Variants in NYAP2 observed in about 807,000 individuals in gnomAD.
NYAP2 encodes the protein neuronal tyrosine-phosphorylated phosphoinositide-3-kinase adaptor 2.
A neutral mutation model predicts 50.4 loss-of-function variants in NYAP2; 23 were observed. The observed-to-expected ratio is 0.46, with a 90% CI of 0.33 to 0.65. The LOEUF is 0.65. Among genes scored for constraint, NYAP2 ranks in the 30% least tolerant of loss-of-function variants. The pLI is 0.02. For synonymous variants in NYAP2, 394 were observed against 365.2 expected (o/e 1.08, Z -0.90); for missense variants, 885 against 861.0 (o/e 1.03, Z -0.35).
chr2:225,522,210 C>T (rs1462628007), intron 4 of NYAP2, among the ~76,000 whole-genome samples: 1 of 152,096 alleles, frequency 6.6e-6, no homozygotes, highest in Non-Finnish European at 1.5e-5. Context: ...ATTATCTCTA[C>T]ATTTTCAAGT....
At chr2:225,461,794 G>T (rs553118833) in intron 3 of NYAP2, among the ~76,000 whole-genome samples, 128 of 152,212 alleles carry the variant, frequency 8.4e-4, no homozygotes, top group African/African-American at 2.9e-3. Flanking sequence ...TGAAAAATCT[G>T]CTAGGTTCTG....
chr2:225,411,278 A>G (rs1695034855), intron 3 of NYAP2, among the ~76,000 whole-genome samples: 1 of 152,264 alleles, frequency 6.6e-6, no homozygotes, highest in African/African-American at 2.4e-5. Context: ...AGAGAAAAGA[A>G]TTAATTAGAG....
chr2:225,655,782 T>C (rs576228041), downstream of NYAP2, among the ~76,000 whole-genome samples: 9 of 152,170 alleles, frequency 5.9e-5, no homozygotes, highest in African/African-American at 1.4e-4. Flanking sequence ...GCGGCTAAGA[T>C]GTGTCTCCAA....
At chr2:225,490,030 A>G (rs1441424692) in intron 3 of NYAP2, among the ~76,000 whole-genome samples, 1 of 152,220 alleles carries the variant, frequency 6.6e-6, no homozygotes, top group Admixed American at 6.5e-5. Context: ...AGATGTTCAC[A>G]ATGCACATTC....
At chr2:225,630,065 C>A (rs942728246) in intron 6 of NYAP2, among the ~76,000 whole-genome samples, 6 of 151,972 alleles carry the variant, frequency 3.9e-5, no homozygotes, top group African/African-American at 1.5e-4. Context: ...AGTTTCTCAC[C>A]AGGAAGATGA....
chr2:225,402,389 C>G (rs1051210861), intron 2 of NYAP2, among the ~76,000 whole-genome samples: 24 of 152,176 alleles, frequency 1.6e-4, no homozygotes, highest in African/African-American at 5.3e-4. Context: ...CTGACTACAT[C>G]TACTTTGCAA....
downstream of NYAP2, among the ~76,000 whole-genome samples, chr2:225,655,159 G>C (rs1693802564): frequency 6.6e-6 from 1 of 152,162 alleles, no homozygotes; most frequent in Non-Finnish European, 1.5e-5. Flanking sequence ...ACGATCTGTA[G>C]AAATGTATAA....
At chr2:225,467,398 A>G in intron 3 of NYAP2, among the ~76,000 whole-genome samples, 1 of 152,150 alleles carries the variant, frequency 6.6e-6, no homozygotes, top group African/African-American at 2.4e-5. Context: ...CTGCCTGACC[A>G]TCAACTGATG....
chr2:225,574,883 C>T lies in NYAP2; in HGVS notation c.524-7058C>T, dbSNP rs553671604. Among the ~76,000 whole-genome samples, 9 of 152,248 alleles carry T rather than the reference C, an allele frequency of 5.9e-5. No individual in the cohort carries two copies. In the South Asian group the frequency reaches 8.3e-4, roughly 14 times the overall value. On this transcript the variant is annotated intron_variant, in intron 4 of 6. Coordinates refer to ENST00000636099, the Ensembl canonical transcript of NYAP2. ...TTTTTACAAGTCCACATTTTACTGG[C>T]GGAGTTCTGAATTTGACCTTTGCTC...
At chr2:225,557,101 T>G (rs1691791618) in intron 4 of NYAP2, among the ~76,000 whole-genome samples, 1 of 152,222 alleles carries the variant, frequency 6.6e-6, no homozygotes, top group African/African-American at 2.4e-5. Context: ...TCTGCTCTAA[T>G]TTCATTGGTC....
chr2:225,458,340 C>G (rs954279315), intron 3 of NYAP2, among the ~76,000 whole-genome samples: 1 of 152,030 alleles, frequency 6.6e-6, no homozygotes, highest in Admixed American at 6.6e-5. Context: ...GACAGAAAAT[C>G]TACGTACTTT....
intron 4 of NYAP2, among the ~76,000 whole-genome samples, chr2:225,544,251 G>T (rs1691528194): frequency 6.6e-6 from 1 of 150,734 alleles, no homozygotes. Flanking sequence ...GAGCCACTCT[G>T]TGTTTTGATT....
intron 4 of NYAP2, among the ~76,000 whole-genome samples, chr2:225,566,577 G>A (rs1409504927): frequency 6.6e-6 from 1 of 152,234 alleles, no homozygotes; most frequent in Admixed American, 6.5e-5. Context: ...TTAGCATCAT[G>A]CATTTTCCAT....
intron 3 of NYAP2, among the ~76,000 whole-genome samples, chr2:225,464,879 T>C (rs768465487): frequency 6.6e-6 from 1 of 152,214 alleles, no homozygotes; most frequent in Non-Finnish European, 1.5e-5. Context: ...TTATCTGTAA[T>C]GCGTGTTCGT....
intron 3 of NYAP2, among the ~76,000 whole-genome samples, chr2:225,428,467 G>T (rs1362636222): frequency 2.6e-5 from 4 of 152,134 alleles, no homozygotes; most frequent in Admixed American, 2.6e-4. Context: ...TTGGGCATTT[G>T]TACCATAAGG....
intron 5 of NYAP2, among the ~76,000 whole-genome samples, chr2:225,583,723 A>C (rs1692340750): frequency 1.3e-5 from 2 of 152,156 alleles, no homozygotes; most frequent in South Asian, 4.1e-4. Flanking sequence ...ATAAATGTTA[A>C]AACTTGCCTT....
At chr2:225,486,552 A>G (rs546879965) in intron 3 of NYAP2, among the ~76,000 whole-genome samples, 7 of 152,310 alleles carry the variant, frequency 4.6e-5, no homozygotes, top group African/African-American at 1.2e-4. Context: ...CTCTGCTTCC[A>G]AATCCCACTG....
At chr2:225,618,567 C>T (rs761757410) in intron 5 of NYAP2, among the ~76,000 whole-genome samples, 4 of 152,146 alleles carry the variant, frequency 2.6e-5, no homozygotes, top group Non-Finnish European at 5.9e-5. Flanking sequence ...ATGATAACAC[C>T]CAACTTAAGT....
Position 225,605,244 on chromosome 2 carries a change from A to G in NYAP2, c.1619-21673A>G, listed in dbSNP as rs1241385844. Among the ~76,000 whole-genome samples, 3 of 152,222 alleles carry G rather than the reference A, an allele frequency of 2.0e-5. No homozygotes were observed. In the East Asian group the frequency reaches 5.8e-4, roughly 29 times the overall value. On this transcript the variant is annotated intron_variant, in intron 5 of 6. Transcript: ENST00000636099. Reference sequence around the variant, plus strand: ...ATGATTTGAGTCTTAATTAAAGTTGATTGCACCTGTGCATATATTCAGCTA... The same window carrying G: ...ATGATTTGAGTCTTAATTAAAGTTGGTTGCACCTGTGCATATATTCAGCTA...
Sources: allele counts gnomAD v4.1 joint callset (sites outside exome capture counted in the v4.1 genomes callset), GRCh38; gene constraint gnomAD v4.1.1; transcripts MANE v1.5; gene names NCBI Gene and HGNC (gene_info 2026-07-23, HGNC 2026-07-21).